Variants in DIPK1A observed in about 807,000 individuals in gnomAD.
DIPK1A encodes divergent protein kinase domain 1A.
In DIPK1A, 27 loss-of-function variants were observed where a neutral mutation model predicts 40.8. The observed-to-expected ratio is 0.66, with a 90% CI of 0.49 to 0.91. The LOEUF is 0.91. Among genes scored for constraint, DIPK1A ranks in the 40% least tolerant of loss-of-function variants. The pLI is 0.00. For synonymous variants in DIPK1A, 166 were observed against 171.3 expected (o/e 0.97, Z 0.24); for missense variants, 412 against 505.7 (o/e 0.81, Z 1.78).
Position 92,908,472 on chromosome 1 carries a change from G to A in DIPK1A, c.55-32042C>T, listed in dbSNP as rs140320109. Reference sequence around the variant, plus strand: ...GAGTGGTCAATGGTGTCAAAGGTTGGAGACTGGAAAATATCCATTGGATTT... The same window carrying A: ...GAGTGGTCAATGGTGTCAAAGGTTGAAGACTGGAAAATATCCATTGGATTT... On this transcript the variant is annotated intron_variant, in intron 1 of 4. Transcript: ENST00000370310. 1.6e-3 allele frequency among the ~76,000 whole-genome samples: 250 copies of A among 152,304 alleles called. 4 individuals carry two copies. Among genetic ancestry groups the A allele is most frequent in the Non-Finnish European group, 3.0e-3 (201 of 68,022 alleles).
intron 4 of DIPK1A, among the ~76,000 whole-genome samples, chr1:92,846,846 T>TATACACACAC (rs1557449955): frequency 0.016 from 21 of 1,282 alleles, 3 homozygotes; most frequent in Non-Finnish European, 0.02. Context: ...TATATATGTG[T>TATACACACAC]GTATATATAT....
chr1:92,877,110 TTGCAAAGTGTA>T, intron 1 of DIPK1A: 1 of 985,258 alleles, frequency 1.0e-6, no homozygotes, highest in East Asian at 1.1e-4. Flanking sequence ...GCATATCAAC[TTGCAAAGTGTA>T]AAGCTGCACA....
rs370547795 is a variant in DIPK1A at position 92,855,321 on chromosome 1, G to A, written c.190-4366C>T. Among the ~76,000 whole-genome samples the A allele has an allele frequency of 2.5e-4, 38 of 151,892 alleles. 2 individuals are homozygous for A. Among genetic ancestry groups the A allele is most frequent in the Admixed American group, 1.6e-3 (24 of 15,234 alleles). On this transcript the variant is annotated intron_variant, in intron 2 of 4. Transcript: ENST00000370310. Reference sequence around the variant, plus strand: ...AATTTCCAAATTTAAACGCAATGACGAAAAAACCAAGATACTGAATATAAA... The same window carrying A: ...AATTTCCAAATTTAAACGCAATGACAAAAAAACCAAGATACTGAATATAAA...
chr1:92,954,831 A>G (rs979862542), intron 1 of DIPK1A, among the ~76,000 whole-genome samples: 7 of 152,210 alleles, frequency 4.6e-5, no homozygotes, highest in African/African-American at 1.7e-4. Flanking sequence ...AAAAAATAAT[A>G]CTATAATCCA....
intron 1 of DIPK1A, among the ~76,000 whole-genome samples, chr1:92,951,637 T>C (rs1651637422): frequency 6.6e-6 from 1 of 152,206 alleles, no homozygotes. Flanking sequence ...CTAATACTCT[T>C]TATTTAATCA....
Position 92,850,890 on chromosome 1 carries a change from A to G in DIPK1A, c.255T>C (p.Thr85=), listed in dbSNP as rs1400401815. ...TGGATAAACATTTTCCAAAGTAAAG[A>G]GTTTCTGTAACACAAAGGCTGTTAC... ...PACNSLCVTE[T]LYFGKCLSTK... is the part of the protein sequence containing the mutation. Residue 85 remains threonine, a synonymous_variant, in exon 3 of 5, where the codon ACT becomes ACC. Transcript: ENST00000370310. The G allele has an allele frequency of 2.5e-6, 4 of 1,572,970 alleles. 1 individual carries two copies. Among genetic ancestry groups the G allele is most frequent in the Non-Finnish European group, 3.5e-6 (4 of 1,157,422 alleles).
intron 1 of DIPK1A, among the ~76,000 whole-genome samples, chr1:92,907,482 C>G (rs1314013050): frequency 3.3e-5 from 5 of 152,002 alleles, no homozygotes; most frequent in African/African-American, 1.2e-4. Flanking sequence ...CTCTGTGGCA[C>G]AGGCTGGAGT....
chr1:92,918,812 G>A (rs1650156379), intron 1 of DIPK1A, among the ~76,000 whole-genome samples: 1 of 152,170 alleles, frequency 6.6e-6, no homozygotes, highest in Non-Finnish European at 1.5e-5. Flanking sequence ...GTTTCGGGAT[G>A]AAACTGTTCC....
At chr1:92,841,721 C>G (rs758657195), downstream of DIPK1A, 1 of 1,230,318 alleles carries the variant, frequency 8.1e-7, no homozygotes, top group Non-Finnish European at 1.2e-6. Context: ...ATATTCTATT[C>G]TCTTCAGTTA....
At chr1:92,854,268 A>G (rs1385799933) in intron 2 of DIPK1A, among the ~76,000 whole-genome samples, 3 of 152,186 alleles carry the variant, frequency 2.0e-5, no homozygotes, top group Non-Finnish European at 4.4e-5. Flanking sequence ...ATTTATTACC[A>G]TGACAACAAC....
chr1:92,846,843 GTGTGTATATATATATGTGTGTATATA>G (rs1687639329), intron 4 of DIPK1A, among the ~76,000 whole-genome samples: 1 of 334 alleles, frequency 3.0e-3, no homozygotes, highest in African/African-American at 0.011. Context: ...ATATATATAT[GTGTGTATATATATATGTGTGTATATA>G]TATATATATA....
intron 2 of DIPK1A, among the ~76,000 whole-genome samples, chr1:92,868,554 A>G (rs1647675685): frequency 6.6e-6 from 1 of 152,220 alleles, no homozygotes; most frequent in Admixed American, 6.5e-5. Flanking sequence ...CAGTTAAGAC[A>G]GCATGCCCTA....
chr1:92,932,409 C>T (rs1473616131), intron 1 of DIPK1A: 2 of 152,178 alleles, frequency 1.3e-5, no homozygotes, highest in African/African-American at 4.8e-5. Flanking sequence ...CCACTGCACT[C>T]CAGCCTGGGC....
chr1:92,883,748 C>T (rs1193662417), intron 1 of DIPK1A, among the ~76,000 whole-genome samples: 1 of 152,174 alleles, frequency 6.6e-6, no homozygotes, highest in African/African-American at 2.4e-5. Flanking sequence ...TGCATCATTT[C>T]TGTAGAATTC....
At chr1:92,863,571 C>A (rs370912723) in intron 2 of DIPK1A, among the ~76,000 whole-genome samples, 524 of 100,956 alleles carry the variant, frequency 5.2e-3, no homozygotes, top group Middle Eastern at 0.015. Context: ...CTGTCTCTAC[C>A]AAAAAAAAAA....
intron 2 of DIPK1A, among the ~76,000 whole-genome samples, chr1:92,853,023 C>T (rs1687872844): frequency 6.6e-6 from 1 of 152,076 alleles, no homozygotes; most frequent in African/African-American, 2.4e-5. Flanking sequence ...GCCTGGGTGA[C>T]AGAGTGAGAC....
downstream of DIPK1A, among the ~76,000 whole-genome samples, chr1:92,841,106 C>T (rs891851281): frequency 6.6e-6 from 1 of 152,204 alleles, no homozygotes. Flanking sequence ...ATTCTATATT[C>T]ATCATGCTGT....
In DIPK1A at chr1:92,897,844, A is replaced by G. The variant is rs1319497712; in HGVS notation, c.55-21414T>C. On this transcript the variant is annotated intron_variant, in intron 1 of 4. Coordinates refer to ENST00000370310, the MANE Select transcript of DIPK1A (RefSeq NM_001006605.5). The stretch of plus-strand genomic sequence containing the variant: ...TAGATAATGTATAAAAACAAAAAAA[A>G]GGATTACACTTTGGGATGCCAAAGC... Among the ~76,000 whole-genome samples, 9 of 152,252 alleles carry G rather than the reference A, an allele frequency of 5.9e-5. No individual in the cohort carries two copies. In the South Asian group the frequency reaches 1.2e-3, roughly 21 times the overall value.
At chr1:92,833,347 GCTAAGA>G (rs1167044978) in intron 4 of DIPK1A, 1 of 1,473,106 alleles carries the variant, frequency 6.8e-7, no homozygotes, top group South Asian at 1.1e-5. Flanking sequence ...AGTATCATAG[GCTAAGA>G]CATCAAAGTT....
Sources: allele counts gnomAD v4.1 joint callset (sites outside exome capture counted in the v4.1 genomes callset), GRCh38; gene constraint gnomAD v4.1.1; transcripts MANE v1.5; gene names NCBI Gene and HGNC (gene_info 2026-07-23, HGNC 2026-07-21).